The following RAPGEF2 variants were observed in gnomAD, a reference collection of about 807,000 sequenced individuals.
RAPGEF2 encodes the protein Rap guanine nucleotide exchange factor 2, also known as PDZ domain containing guanine nucleotide exchange factor (GEF) 1.
Under a neutral mutation model 186.7 loss-of-function variants are expected in RAPGEF2, and 54 were observed. That is an observed-to-expected ratio of 0.29 (90% CI 0.23 to 0.36). The LOEUF (loss-of-function observed/expected upper bound fraction) is 0.36, where lower values mean the gene tolerates loss of function less well. Among genes scored for constraint, RAPGEF2 ranks in the 10% least tolerant of loss-of-function variants. The pLI is 1.00. For synonymous variants in RAPGEF2, 712 were observed against 705.9 expected (o/e 1.01, Z -0.14); for missense variants, 1,532 against 2,045.0 (o/e 0.75, Z 4.84).
intron 29 of RAPGEF2, among the ~76,000 whole-genome samples, 173 bp downstream of exon 29, chr4:159,356,331 C>T (rs938905445): frequency 1.3e-5 from 2 of 151,846 alleles, no homozygotes; most frequent in African/African-American, 2.4e-5. Flanking sequence ...TGACTGCTTT[C>T]TTTTGTGTGT....
chr4:159,283,824 T>C (rs532023582), intron 7 of RAPGEF2, among the ~76,000 whole-genome samples: 37 of 152,330 alleles, frequency 2.4e-4, no homozygotes, highest in East Asian at 1.5e-3. Context: ...CATTTAAGTA[T>C]TTAGCTGAAG....
At chr4:159,196,321 T>A (rs1748651077) in intron 3 of RAPGEF2, among the ~76,000 whole-genome samples, 1 of 152,226 alleles carries the variant, frequency 6.6e-6, no homozygotes, top group African/African-American at 2.4e-5. Context: ...TACTCCTCTT[T>A]TTCGGACCTG....
At chr4:159,127,324 G>A (rs1462014148) in intron 1 of RAPGEF2, among the ~76,000 whole-genome samples, 1 of 152,166 alleles carries the variant, frequency 6.6e-6, no homozygotes, top group Non-Finnish European at 1.5e-5. Context: ...ACCGCACCTG[G>A]CCTATTTATT....
chr4:159,191,777 C>T (rs1748152081), intron 2 of RAPGEF2, among the ~76,000 whole-genome samples: 1 of 151,986 alleles, frequency 6.6e-6, no homozygotes, highest in Non-Finnish European at 1.5e-5. Flanking sequence ...ATATAGACAA[C>T]TCTAAAAGAT....
intron 8 of RAPGEF2, 114 bp from the exon 9 acceptor site, chr4:159,314,477 A>T: frequency 1.0e-6 from 1 of 973,068 alleles, no homozygotes; most frequent in Middle Eastern, 3.3e-4. Context: ...TAGTTGTTGG[A>T]TGGAAAAATA....
chr4:159,179,269 A>G (rs953011459), intron 1 of RAPGEF2, among the ~76,000 whole-genome samples: 2 of 152,144 alleles, frequency 1.3e-5, no homozygotes, highest in Non-Finnish European at 2.9e-5. Context: ...TGGGAAGTGC[A>G]GTTGGGAAGG....
chr4:159,174,591 T>C (rs1746256271), intron 1 of RAPGEF2, among the ~76,000 whole-genome samples: 1 of 152,200 alleles, frequency 6.6e-6, no homozygotes, highest in Admixed American at 6.5e-5. Flanking sequence ...AAACTCAGTC[T>C]AAAAAAGCAT....
chr4:159,261,067 ATTTTTTT>A (rs34389977), intron 7 of RAPGEF2, among the ~76,000 whole-genome samples: 1 of 137,802 alleles, frequency 7.3e-6, no homozygotes, highest in South Asian at 2.4e-4. Flanking sequence ...GAAAAGGTTA[ATTTTTTT>A]TTTTTTTAGA....
chr4:159,154,503 A>C (rs1361179870), intron 1 of RAPGEF2, among the ~76,000 whole-genome samples: 8 of 112,474 alleles, frequency 7.1e-5, no homozygotes, highest in Non-Finnish European at 1.1e-4. Context: ...CACTCACATC[A>C]CCTTTTTTTT....
chr4:159,244,716 G>A (rs1472699802), intron 7 of RAPGEF2, among the ~76,000 whole-genome samples: 3 of 151,826 alleles, frequency 2.0e-5, no homozygotes, highest in Non-Finnish European at 4.4e-5. Context: ...GGCTATTAGA[G>A]TAACTTTGCC....
intron 1 of RAPGEF2, among the ~76,000 whole-genome samples, chr4:159,160,860 C>G (rs1376705706): frequency 2.6e-5 from 4 of 152,010 alleles, no homozygotes; most frequent in Non-Finnish European, 5.9e-5. Context: ...GTGTACTTAC[C>G]CACATCAGGG....
At chr4:159,345,633 T>C (rs1362747351) in intron 24 of RAPGEF2, among the ~76,000 whole-genome samples, 1 of 152,176 alleles carries the variant, frequency 6.6e-6, no homozygotes, top group Non-Finnish European at 1.5e-5. Context: ...TAGATATGGC[T>C]CCCATTTACA....
intron 1 of RAPGEF2, among the ~76,000 whole-genome samples, chr4:159,105,008 T>G (rs1396206541): frequency 1.3e-5 from 2 of 152,328 alleles, no homozygotes; most frequent in African/African-American, 4.8e-5. Context: ...TTGTCAAAAT[T>G]AGATAAGTTT....
chr4:159,305,864 G>T (rs1036386838), intron 8 of RAPGEF2, among the ~76,000 whole-genome samples: 1 of 152,024 alleles, frequency 6.6e-6, no homozygotes, highest in Admixed American at 6.6e-5. Flanking sequence ...TAGGGGTCCA[G>T]TTTCATTATA....
At chr4:159,323,641 A>G in intron 11 of RAPGEF2, 24 bp downstream of exon 11, 1 of 1,340,170 alleles carries the variant, frequency 7.5e-7, no homozygotes, top group East Asian at 2.9e-5. Flanking sequence ...CATTAAAAAT[A>G]TATATTTTAT....
chr4:159,154,997 T>A (rs1277873547), intron 1 of RAPGEF2, among the ~76,000 whole-genome samples: 1 of 152,198 alleles, frequency 6.6e-6, no homozygotes, highest in Non-Finnish European at 1.5e-5. Context: ...TACATGTTTA[T>A]TAAAGTGATG....
intron 1 of RAPGEF2, among the ~76,000 whole-genome samples, chr4:159,129,476 G>A (rs1022193250): frequency 6.6e-5 from 10 of 152,306 alleles, no homozygotes; most frequent in African/African-American, 2.4e-4. Context: ...TGTGTGTTAT[G>A]TGCCAGAAAG....
At chr4:159,331,904 C>T in intron 15 of RAPGEF2, 22 bp from the exon 16 acceptor site, 2 of 1,586,720 alleles carry the variant, frequency 1.3e-6, no homozygotes, top group East Asian at 2.2e-5. Flanking sequence ...AATTTTGATA[C>T]ATTTTATAAT....
At chr4:159,196,610 G>A (rs1363003699) in intron 3 of RAPGEF2, among the ~76,000 whole-genome samples, 1 of 152,238 alleles carries the variant, frequency 6.6e-6, no homozygotes, top group African/African-American at 2.4e-5. Context: ...ACCCGTCAGG[G>A]TTGGCATGAG....
Sources: gnomAD v4.1 joint callset for allele counts (sites outside exome capture counted in the v4.1 genomes callset) on GRCh38, gnomAD v4.1.1 for gene constraint, MANE v1.5 for transcripts, NCBI Gene and HGNC (gene_info 2026-07-23, HGNC 2026-07-21) for gene names.